TGFBI: variants seen among roughly 807,000 people sequenced by gnomAD.
TGFBI encodes transforming growth factor beta induced, also known as transforming growth factor-beta-induced protein ig-h3.
TGFBI carries 50 observed loss-of-function variants against 73.7 expected under a neutral mutation model. The observed-to-expected ratio is 0.68, with a 90% confidence interval of 0.54 to 0.86. The LOEUF is 0.86. Ranked by LOEUF, TGFBI falls within the 40% of genes least tolerant of loss-of-function variation. The pLI is 0.00. For missense variants in TGFBI, 839 were observed against 877.0 expected, an observed-to-expected ratio of 0.96 and a Z score of 0.55; for synonymous variants, 362 against 360.5, an observed-to-expected ratio of 1.00 and a Z score of -0.05.
chr5:136,033,717 G>C (rs755210341), intron 1 of TGFBI, 46 bp from the exon 2 acceptor site: 1 of 1,539,534 alleles, frequency 6.5e-7, no homozygotes, highest in Non-Finnish European at 9.0e-7. Context: ...TTAAAGTGGG[G>C]TGGACGTGCT....
intron 2 of TGFBI, among the ~76,000 whole-genome samples, chr5:136,036,581 C>G (rs953901378): frequency 2.0e-5 from 3 of 152,048 alleles, no homozygotes; most frequent in African/African-American, 7.3e-5. Context: ...GAGACCAAGA[C>G]CAGTGAGGAG....
chr5:136,047,473 GA>G, intron 6 of TGFBI, 53 bp downstream of exon 6: 1 of 1,607,574 alleles, frequency 6.2e-7, no homozygotes, highest in Non-Finnish European at 8.5e-7. Context: ...TGCCTCCCAA[GA>G]GGGGCCTAGC....
intron 7 of TGFBI, 81 bp downstream of exon 7, chr5:136,049,661 A>C (rs1751498705): frequency 2.0e-6 from 3 of 1,500,620 alleles, no homozygotes; most frequent in African/African-American, 1.4e-5. Context: ...CAAGATGAAC[A>C]TACCACCTGC....
At chr5:136,034,955 C>T (rs1471051847) in intron 2 of TGFBI, among the ~76,000 whole-genome samples, 2 of 152,204 alleles carry the variant, frequency 1.3e-5, no homozygotes. Context: ...GACATCTCCT[C>T]CAATTTAATA....
At position 136,054,055 on chromosome 5, in the gene TGFBI, G is replaced by T. The variant is rs780708123; in HGVS notation, c.1239G>T (p.Leu413=). The change falls in exon 9 of 17, where the codon CTG becomes CTT. Residue 413 remains leucine (L), a synonymous_variant. Coordinates refer to ENST00000442011, the MANE Select transcript of TGFBI (RefSeq NM_000358.3). ...CTGGAAGTGAGCGGTTGACCCTCCT[G>T]GCTCCCCTGAATTCTGTATTCAAAG... ...HLSGSERLTL[L]APLNSVFKDG... The T allele has an allele frequency of 7.4e-6, 12 of 1,613,808 alleles. No individual in the cohort carries two copies. The highest frequency in any genetic ancestry group is 1.7e-5 in the Admixed American group (1 of 59,998).
intron 13 of TGFBI, among the ~76,000 whole-genome samples, chr5:136,059,943 T>C (rs532928592): frequency 3.9e-5 from 6 of 152,340 alleles, no homozygotes; most frequent in African/African-American, 1.4e-4. Context: ...TCCTCGCACC[T>C]GGTTTCAGAT....
intron 2 of TGFBI, among the ~76,000 whole-genome samples, chr5:136,037,889 G>A (rs1382033615): frequency 6.6e-6 from 1 of 152,184 alleles, no homozygotes; most frequent in Non-Finnish European, 1.5e-5. Flanking sequence ...ACTGGGGACA[G>A]CTGACGTGAA....
intron 1 of TGFBI, among the ~76,000 whole-genome samples, chr5:136,031,210 A>T (rs1050661316): frequency 6.6e-6 from 1 of 152,232 alleles, no homozygotes; most frequent in African/African-American, 2.4e-5. Context: ...TTGCAGGCAC[A>T]GTTGTATTTA....
At chr5:136,056,253 C>G (rs1751629831) in intron 11 of TGFBI, among the ~76,000 whole-genome samples, 1 of 152,200 alleles carries the variant, frequency 6.6e-6, no homozygotes, top group Non-Finnish European at 1.5e-5. Context: ...CTTGCTCATT[C>G]ACCTTGGGGT....
chr5:136,033,723 G>C (rs758608388), intron 1 of TGFBI, 40 bp from the exon 2 acceptor site: 2 of 1,568,624 alleles, frequency 1.3e-6, no homozygotes, highest in Non-Finnish European at 1.8e-6. Flanking sequence ...TGGGGTGGAC[G>C]TGCTGATCAT....
At position 136,061,577 on chromosome 5, in the gene TGFBI, A is replaced by C; in HGVS notation, c.1984A>C (p.Arg662=). The change falls in exon 15 of 17, where the codon AGG becomes CGG. Residue 662 remains arginine (R), a splice_region_variant and synonymous_variant. Coordinates refer to ENST00000442011, the MANE Select transcript of TGFBI (RefSeq NM_000358.3). ...EIFKQASAFS[R]ASQRSVRLAP... ...CTTCAAACAAGCATCAGCGTTTTCC[A>C]GGGTAAGATGCCTGCTAGGTTTGCG... The C allele has an allele frequency of 6.2e-7, 1 of 1,613,332 alleles. No individual in the cohort carries two copies. The highest frequency in any genetic ancestry group is 8.5e-7 in the Non-Finnish European group (1 of 1,179,550).
At chr5:136,032,914 C>G (rs114938882) in intron 1 of TGFBI, among the ~76,000 whole-genome samples, 6 of 152,082 alleles carry the variant, frequency 3.9e-5, no homozygotes, top group African/African-American at 1.2e-4. Flanking sequence ...CTTAGCAGAA[C>G]CCCCAGACAT....
intron 2 of TGFBI, among the ~76,000 whole-genome samples, chr5:136,035,186 A>C (rs1340913340): frequency 6.6e-6 from 1 of 152,282 alleles, no homozygotes; most frequent in East Asian, 1.9e-4. Flanking sequence ...CCCAGCCTGC[A>C]AGCTAAAAGT....
Position 136,029,065 on chromosome 5 carries a change from T to C in TGFBI, c.10T>C (p.Phe4Leu). The C allele has an allele frequency of 6.5e-7, 1 of 1,527,702 alleles. No homozygotes were observed. Among genetic ancestry groups the C allele is most frequent in the Non-Finnish European group, 8.7e-7 (1 of 1,144,212 alleles). The allele number at this position is 1,527,702 out of a possible 1,614,324, so 94.6% of individuals were successfully genotyped here. Residue 4 changes from phenylalanine to leucine, a missense_variant, in exon 1 of 17, where the codon TTC becomes CTC. Coordinates refer to ENST00000442011, the MANE Select transcript of TGFBI (RefSeq NM_000358.3). MAL[F>L]VRLLALALAL... ...CGCGTCGTCCCGCTCCATGGCGCTC[T>C]TCGTGCGGCTGCTGGCTCTCGCCCT...
rs760372743 is a variant in TGFBI, at chr5:136,060,882, A to G, written c.1852A>G (p.Ile618Val). 6.2e-7 allele frequency: 1 copy of G among 1,602,190 alleles called. No individual in the cohort carries two copies. The change falls in exon 14 of 17, where the codon ATC (isoleucine) becomes GTC (valine). Residue 618 changes from isoleucine to valine, a missense_variant. Physicochemically the swap from Ile to Val is conservative, Grantham distance 29 (BLOSUM62 3). Coordinates refer to ENST00000442011, the MANE Select transcript of TGFBI (RefSeq NM_000358.3). Reference protein sequence around the residue: ...VNKEPVAEPDIMATNGVVHVI... With the variant: ...VNKEPVAEPDVMATNGVVHVI... ...CAAGGAGCCTGTTGCCGAGCCTGAC[A>G]TCATGGCCACAAATGGCGTGGTCCA... is the stretch of plus-strand genomic sequence containing the variant.
At chr5:136,049,303 G>A (rs1425273134) in intron 6 of TGFBI, 136 bp from the exon 7 acceptor site, 3 of 1,241,424 alleles carry the variant, frequency 2.4e-6, no homozygotes, top group Non-Finnish European at 2.2e-6. Context: ...GTGAGCTTGG[G>A]TTTGGCTTCT....
In TGFBI at chr5:136,055,811, C is replaced by T. The variant is rs1283594406; in HGVS notation, c.1542C>T (p.Arg514=). ...TVMDVLKGDN[R]FSMLVAAIQS... is the part of the protein sequence containing the mutation. ...TGGATGTCCTGAAGGGAGACAATCGCTTTAGGTAATTAGTTCCATCCCCGG... is the reference window on the plus strand; with the variant it reads ...TGGATGTCCTGAAGGGAGACAATCGTTTTAGGTAATTAGTTCCATCCCCGG... The change falls in exon 11 of 17, where the codon CGC becomes CGT. Residue 514 remains arginine (R), a synonymous_variant. Transcript: ENST00000442011. 1 of 1,605,880 alleles carries T rather than the reference C, an allele frequency of 6.2e-7. No homozygotes were observed. Among genetic ancestry groups the T allele is most frequent in the Non-Finnish European group, 8.5e-7 (1 of 1,173,990 alleles).
In TGFBI at chr5:136,028,995, C is replaced by A; in HGVS notation, c.-61C>A. On this transcript the variant is annotated 5_prime_UTR_variant, in exon 1 of 17. Coordinates refer to ENST00000442011, the MANE Select transcript of TGFBI (RefSeq NM_000358.3). ...CCGGGCGGCGGAGGCGCTCTCACTT[C>A]CCTGGAGCCGCCCGCTTGCCCGTCG... is the stretch of plus-strand genomic sequence containing the variant. 6.7e-7 allele frequency: 1 copy of A among 1,503,232 alleles called. No homozygotes were observed. Among genetic ancestry groups the A allele is most frequent in the Non-Finnish European group, 8.8e-7 (1 of 1,133,086 alleles). The allele number at this position is 1,503,232 out of a possible 1,614,324, so 93.1% of individuals were successfully genotyped here.
intron 2 of TGFBI, among the ~76,000 whole-genome samples, chr5:136,040,662 A>G (rs996333229): frequency 6.6e-6 from 1 of 152,186 alleles, no homozygotes; most frequent in Non-Finnish European, 1.5e-5. Flanking sequence ...GTTTTTCTTT[A>G]TTAGACTGTA....
Sources: allele counts gnomAD v4.1 joint callset (sites outside exome capture counted in the v4.1 genomes callset), GRCh38; gene constraint gnomAD v4.1.1; transcripts MANE v1.5; gene names NCBI Gene and HGNC (gene_info 2026-07-23, HGNC 2026-07-21).